TNXB: variants seen among roughly 807,000 people sequenced by gnomAD.
TNXB encodes tenascin XB.
TNXB carries 183 observed loss-of-function variants against 340.5 expected under a neutral mutation model. The observed-to-expected ratio is 0.54, with a 90% CI of 0.48 to 0.61. TNXB has a LOEUF of 0.61. Among genes scored for constraint, TNXB ranks in the 20% least tolerant of loss-of-function variants. TNXB has a pLI of 0.00. For missense variants in TNXB, 4,613 were observed against 5,446.4 expected (o/e 0.85, Z 4.82); for synonymous variants, 2,121 against 2,314.5 (o/e 0.92, Z 2.40).
intron 24 of TNXB, 89 bp downstream of exon 24, chr6:32,055,761 AG>A (rs2151900073): frequency 2.0e-6 from 3 of 1,515,956 alleles, no homozygotes; most frequent in East Asian, 2.3e-5. Flanking sequence ...GTGCAAAAGA[AG>A]CCCGGCTGGT....
chr6:32,071,829 C>T (rs1448233848), intron 13 of TNXB, among the ~76,000 whole-genome samples, 161 bp downstream of exon 13: 1 of 152,142 alleles, frequency 6.6e-6, no homozygotes, highest in Non-Finnish European at 1.5e-5. Context: ...GCCTTGGACT[C>T]CCAAAGTGCT....
At position 32,049,041 on chromosome 6, in the gene TNXB, T is replaced by C. The variant is rs1228492178; in HGVS notation, c.9757+229A>G. 6.6e-6 allele frequency among the ~76,000 whole-genome samples: 1 copy of C among 151,994 alleles called. No homozygotes were observed. The highest frequency in any genetic ancestry group is 1.5e-5 in the Non-Finnish European group (1 of 67,992). On this transcript the variant is annotated intron_variant, in intron 28 of 43. Coordinates refer to ENST00000644971, the MANE Select transcript of TNXB (RefSeq NM_001365276.2). This position sits in a 1 kb window ranked among gnomAD's most constrained non-coding sequence, Gnocchi z 4.5. ...AATGAGCACACGAGCAACATGGAGG[T>C]TCCAGATCACAATGGGAGAAGGAAG...
rs184084344 is a variant in TNXB, at chr6:32,108,159, C to A, written c.-9+1022G>T. 4.6e-5 allele frequency among the ~76,000 whole-genome samples: 7 copies of A among 152,084 alleles called. No individual in the cohort carries two copies. Among genetic ancestry groups the A allele is most frequent in the African/African-American group, 1.7e-4 (7 of 41,480 alleles). ...TGCTGGGTCCCCAGGGACTTGAAGG[C>A]AGGGTCAGGGAAAAGAGGAGGGGCT... On this transcript the variant is annotated intron_variant, in intron 1 of 43. Coordinates refer to ENST00000644971, the MANE Select transcript of TNXB (RefSeq NM_001365276.2). This position sits in a 1 kb window ranked among gnomAD's most constrained non-coding sequence, Gnocchi z 4.8.
At position 32,069,927 on chromosome 6, in the gene TNXB, C is replaced by A; in HGVS notation, c.5279-66G>T. On this transcript the variant is annotated intron_variant, in intron 14 of 43. Transcript: ENST00000644971. The surrounding 1 kb of genome is among the most constrained non-coding windows in gnomAD (Gnocchi z 6.2). Reference sequence around the variant, plus strand: ...TGGAAGACTGGGTGACCTCGACGGGCAGGATTGAGAGGTCTGGAGACAGGG... The same window carrying A: ...TGGAAGACTGGGTGACCTCGACGGGAAGGATTGAGAGGTCTGGAGACAGGG... 1 of 1,484,952 alleles carries A rather than the reference C, an allele frequency of 6.7e-7. No individual in the cohort carries two copies. Among genetic ancestry groups the A allele is most frequent in the Non-Finnish European group, 9.0e-7 (1 of 1,108,364 alleles). 92.0% of individuals were successfully genotyped at this position (1,484,952 alleles called of 1,614,324 possible). A position where few individuals can be genotyped will look rare whatever the true frequency, so the allele number is the denominator to read the frequency against.
rs1058152 is a variant in TNXB, at chr6:32,041,186, C to G, written c.*163G>C. ...ACCTCAGTTTCTCCTTTATTGCTCCCGTACGAACCCCTCCCCTCCCCCCTG... is the reference window on the plus strand; with the variant it reads ...ACCTCAGTTTCTCCTTTATTGCTCCGGTACGAACCCCTCCCCTCCCCCCTG... On this transcript the variant is annotated 3_prime_UTR_variant, in exon 44 of 44. Coordinates refer to ENST00000644971, the MANE Select transcript of TNXB (RefSeq NM_001365276.2). 2 of 1,229,736 alleles carry G rather than the reference C, an allele frequency of 1.6e-6. No homozygotes were observed. The highest frequency in any genetic ancestry group is 1.2e-5 in the South Asian group (1 of 83,168). 76.2% of individuals were successfully genotyped at this position (1,229,736 alleles called of 1,614,324 possible). A position where few individuals can be genotyped will look rare whatever the true frequency, so the allele number is the denominator to read the frequency against.
chr6:32,070,003 G>C lies in TNXB; in HGVS notation c.5278+124C>G. On this transcript the variant is annotated intron_variant, in intron 14 of 43. Transcript: ENST00000644971. This position sits in a 1 kb window ranked among gnomAD's most constrained non-coding sequence, Gnocchi z 6.0. ...CTGTGCTAGGGGCTTGTGCAGGGAC[G>C]TGGGGAGCTGGATCTGAGCCGAGTG... The C allele has an allele frequency of 7.3e-7, 1 of 1,377,220 alleles. No individual in the cohort carries two copies. The highest frequency in any genetic ancestry group is 9.6e-7 in the Non-Finnish European group (1 of 1,041,234). The allele number at this position is 1,377,220 out of a possible 1,614,324, so 85.3% of individuals were successfully genotyped here.
chr6:32,088,861 G>T lies in TNXB; in HGVS notation c.2703C>A (p.Gly901=). 1 of 1,583,974 alleles carries T rather than the reference G, an allele frequency of 6.3e-7. No individual in the cohort carries two copies. Among genetic ancestry groups the T allele is most frequent in the Non-Finnish European group, 8.6e-7 (1 of 1,165,284 alleles). ...DGTLLTDLMP[G]VEYVVTVTAE... ...CTGTGACAGTCACCACATATTCTAC[G>T]CCTGGCATCAGGTCAGTCAGCAGCG... Residue 901 remains glycine (G), a synonymous_variant, in exon 6 of 44, where the codon GGC becomes GGA. Transcript: ENST00000644971.
Position 32,042,463 on chromosome 6 carries a change from C to T in TNXB, c.12202G>A (p.Gly4068Ser), listed in dbSNP as rs754930299. 9.9e-6 allele frequency: 16 copies of T among 1,612,228 alleles called. No homozygotes were observed. The highest frequency in any genetic ancestry group is 5.5e-5 in the South Asian group (5 of 90,996). ...TTCCCAATGCCACCCACCAGCCAGC[C>T]GCCCCCATCAGTCTCCATGTCGCAA... ...VFCDMETDGGGWLVFQRRMDG... is the reference protein window; with the variant it reads ...VFCDMETDGGSWLVFQRRMDG... The change falls in exon 40 of 44, where the codon GGC becomes AGC. Residue 4068 changes from glycine to serine, a missense_variant. Gly to Ser is a moderately conservative substitution (Grantham distance 56). Transcript: ENST00000644971.
rs142266956 is a variant in TNXB at position 32,072,244 on chromosome 6, C to T, written c.4736G>A (p.Arg1579His). ...TEASKPPLEP[R>H]LGELTVTDIT... ...ATCCGTCACTGTCAGCTCCCCTAGG[C>T]GTGGCTCCAGGGGAGGCTTGGAGGC... The change falls in exon 13 of 44, where the codon CGC (arginine) becomes CAC (histidine). Residue 1579 changes from arginine to histidine, a missense_variant. By Grantham distance (29) the Arg-to-His change is conservative. This residue lies in a region of TNXB where 4,327 missense variants were observed against 4,859.4 expected (regional missense o/e 0.89). Coordinates refer to ENST00000644971, the MANE Select transcript of TNXB (RefSeq NM_001365276.2). This position sits in a 1 kb window ranked among gnomAD's most constrained non-coding sequence, Gnocchi z 4.4. 35 of 1,610,122 alleles carry T rather than the reference C, an allele frequency of 2.2e-5. No homozygotes were observed. The highest frequency in any genetic ancestry group is 1.0e-4 in the Admixed American group (6 of 59,998).
intron 21 of TNXB, among the ~76,000 whole-genome samples, chr6:32,060,108 G>A (rs972953473): frequency 6.6e-6 from 1 of 151,930 alleles, no homozygotes; most frequent in African/African-American, 2.4e-5. Flanking sequence ...GCCGAGGCGG[G>A]CAGATCACCT....
intron 1 of TNXB, among the ~76,000 whole-genome samples, chr6:32,103,711 A>T (rs957805139): frequency 2.0e-5 from 3 of 147,994 alleles, no homozygotes; most frequent in Non-Finnish European, 4.5e-5. Context: ...AAATCACTAG[A>T]CACAGTTCAC....
intron 1 of TNXB, among the ~76,000 whole-genome samples, chr6:32,098,472 TTTTGTTTTGTTTTG>T (rs1446059897): frequency 4.6e-5 from 7 of 151,872 alleles, no homozygotes; most frequent in African/African-American, 1.7e-4. Flanking sequence ...TTTTGTTTTG[TTTTGTTTTGTTTTG>T]TTTGTTTGTT....
chr6:32,042,280 C>G lies in TNXB; in HGVS notation c.12293G>C (p.Gly4098Ala). The part of the protein sequence containing the change: ...DYAHGFGNIS[G>A]EFWLGNEALH... The stretch of plus-strand genomic sequence containing the variant: ...GAGGCACTGACCCAGCCAGAACTCT[C>G]CAGAGATGTTCCCAAAACCATGGGC... Residue 4098 changes from glycine to alanine, a missense_variant, in exon 41 of 44, where the codon GGA becomes GCA. Physicochemically the swap from Gly to Ala is moderately conservative, Grantham distance 60. Transcript: ENST00000644971. The G allele has an allele frequency of 2.2e-6, 3 of 1,375,490 alleles. No homozygotes were observed. The highest frequency in any genetic ancestry group is 3.0e-6 in the Non-Finnish European group (3 of 985,130). The allele number at this position is 1,375,490 out of a possible 1,614,324, so 85.2% of individuals were successfully genotyped here.
intron 1 of TNXB, among the ~76,000 whole-genome samples, chr6:32,102,126 C>A (rs949660942): frequency 1.3e-5 from 2 of 152,232 alleles, no homozygotes; most frequent in Non-Finnish European, 2.9e-5. Flanking sequence ...ATGCTTGTCC[C>A]TCTTCAAAGA....
rs989882072 is a variant in TNXB at position 32,081,047 on chromosome 6, C to G, written c.4042+321G>C. On this transcript the variant is annotated intron_variant, in intron 10 of 43. Coordinates refer to ENST00000644971, the MANE Select transcript of TNXB (RefSeq NM_001365276.2). The surrounding 1 kb of genome is among the most constrained non-coding windows in gnomAD (Gnocchi z 5.1). Reference sequence around the variant, plus strand: ...CCCAGTAAAAACTGAGGGGTGAGAACACAGTGACCGAATGGTGAGGACATC... The same window carrying G: ...CCCAGTAAAAACTGAGGGGTGAGAAGACAGTGACCGAATGGTGAGGACATC... 6.6e-6 allele frequency among the ~76,000 whole-genome samples: 1 copy of G among 152,094 alleles called. No homozygotes were observed. The highest frequency in any genetic ancestry group is 6.5e-5 in the Admixed American group (1 of 15,276).
In TNXB at chr6:32,090,922, T is replaced by C. The variant is rs947057966; in HGVS notation, c.2359-1543A>G. Among the ~76,000 whole-genome samples, 1 of 152,136 alleles carries C rather than the reference T, an allele frequency of 6.6e-6. No individual in the cohort carries two copies. The highest frequency in any genetic ancestry group is 1.5e-5 in the Non-Finnish European group (1 of 68,016). ...GCCGCAATACACACACCTTGGATGC[T>C]CCCTGATGATGTCTGGTTCTTTCAG... is the stretch of plus-strand genomic sequence containing the variant. On this transcript the variant is annotated intron_variant, in intron 4 of 43. Transcript: ENST00000644971. The surrounding 1 kb of genome is among the most constrained non-coding windows in gnomAD (Gnocchi z 4.3).
chr6:32,052,400 G>A lies in TNXB; in HGVS notation c.9115+270C>T, dbSNP rs996543297. On this transcript the variant is annotated intron_variant, in intron 26 of 43. Transcript: ENST00000644971. The surrounding 1 kb of genome is among the most constrained non-coding windows in gnomAD (Gnocchi z 4.7). Reference sequence around the variant, plus strand: ...CAGGAGGCGGAGGTTCCAGTGAGCCGAGATTGAGCCACTGTACTCCAGCCT... The same window carrying A: ...CAGGAGGCGGAGGTTCCAGTGAGCCAAGATTGAGCCACTGTACTCCAGCCT... Among the ~76,000 whole-genome samples, 19 of 151,372 alleles carry A rather than the reference G, an allele frequency of 1.3e-4. No homozygotes were observed. Among genetic ancestry groups the A allele is most frequent in the Non-Finnish European group, 2.1e-4 (14 of 67,924 alleles).
Position 32,095,088 on chromosome 6 carries a change from C to G in TNXB, c.2346G>C (p.Gln782His). Residue 782 changes from glutamine to histidine, a missense_variant, in exon 4 of 44, where the codon CAG becomes CAC. Transcript: ENST00000644971. ...GCATCTCTCTCACCGTGGGGATGAACTGAATTTCATAGGCATCCACGGGGC... is the reference window on the plus strand; with the variant it reads ...GCATCTCTCTCACCGTGGGGATGAAGTGAATTTCATAGGCATCCACGGGGC... ...APGPVDAYEI[Q>H]FIPTTEGASP... 1 of 1,548,834 alleles carries G rather than the reference C, an allele frequency of 6.5e-7. No homozygotes were observed.
Position 32,067,887 on chromosome 6 carries a change from G to A in TNXB, c.6318C>T (p.Ser2106=). 1 of 1,612,836 alleles carries A rather than the reference G, an allele frequency of 6.2e-7. No individual in the cohort carries two copies. Among genetic ancestry groups the A allele is most frequent in the African/African-American group, 1.3e-5 (1 of 75,030 alleles). ...PLLGELTVTG[S]SPDSLSLSWT... is the part of the protein sequence containing the mutation. ...AGGAGAGGCTCAGCGAGTCAGGGGA[G>A]GATCCTGTCACTGTTAGCTCCCCCA... The change falls in exon 18 of 44, where the codon TCC becomes TCT. Residue 2106 remains serine (S), a synonymous_variant. Coordinates refer to ENST00000644971, the MANE Select transcript of TNXB (RefSeq NM_001365276.2). The surrounding 1 kb of genome is among the most constrained non-coding windows in gnomAD (Gnocchi z 4.2).
Sources: allele counts gnomAD v4.1 joint callset (sites outside exome capture counted in the v4.1 genomes callset), GRCh38; gene constraint gnomAD v4.1.1; regional missense constraint gnomAD v4.1.1; non-coding constraint Gnocchi (gnomAD v3.1); transcripts MANE v1.5; gene names NCBI Gene and HGNC (gene_info 2026-07-23, HGNC 2026-07-21).